The following GDAP1L1 variants were observed in gnomAD, a reference collection of about 807,000 sequenced individuals.
The protein encoded by GDAP1L1 is ganglioside-induced differentiation-associated protein 1-like 1.
GDAP1L1 carries 21 observed loss-of-function variants against 37.1 expected under a neutral mutation model. That is an observed-to-expected ratio of 0.57 (90% CI 0.40 to 0.81). The LOEUF (loss-of-function observed/expected upper bound fraction) is 0.81. Among genes scored for constraint, GDAP1L1 ranks in the 40% least tolerant of loss-of-function variants. The pLI is 0.00. For missense variants in GDAP1L1, 362 were observed against 491.6 expected, an observed-to-expected ratio of 0.74 and a Z score of 2.49; for synonymous variants, 193 against 209.1, an observed-to-expected ratio of 0.92 and a Z score of 0.67.
chr20:44,247,649 G>T (rs556720810), intron 1 of GDAP1L1, 135 bp downstream of exon 1: 5 of 804,672 alleles, frequency 6.2e-6, no homozygotes, highest in Non-Finnish European at 7.6e-6. Flanking sequence ...GAGGTCGGGG[G>T]ACGCAAGGGT....
chr20:44,249,222 G>C (rs756852231), intron 1 of GDAP1L1, among the ~76,000 whole-genome samples: 7 of 152,036 alleles, frequency 4.6e-5, no homozygotes, highest in Admixed American at 6.6e-5. Flanking sequence ...ATTTTTGGTA[G>C]AGACAGGGTT....
At chr20:44,271,658 G>A (rs2062517057) in intron 5 of GDAP1L1, among the ~76,000 whole-genome samples, 1 of 152,086 alleles carries the variant, frequency 6.6e-6, no homozygotes, top group African/African-American at 2.4e-5. Flanking sequence ...GAAGGATGTG[G>A]GGTGACAGGA....
chr20:44,252,376 G>T (rs1002287721), intron 1 of GDAP1L1, among the ~76,000 whole-genome samples: 4 of 152,046 alleles, frequency 2.6e-5, no homozygotes, highest in African/African-American at 7.2e-5. Flanking sequence ...GTGGTGGCTC[G>T]CGCCTGTAAT....
chr20:44,276,923 C>T (rs960199520), intron 5 of GDAP1L1, among the ~76,000 whole-genome samples: 1 of 152,216 alleles, frequency 6.6e-6, no homozygotes, highest in Non-Finnish European at 1.5e-5. Flanking sequence ...TCCTCCACCT[C>T]CTTTGCATCT....
Position 44,248,393 on chromosome 20 carries a change from G to A in GDAP1L1, c.180+879G>A, listed in dbSNP as rs77992249. Among the ~76,000 whole-genome samples the A allele has an allele frequency of 7.9e-4, 121 of 152,384 alleles. 2 individuals carry two copies. The East Asian group carries it at 0.021, about 26-fold the overall frequency. ...AGGCAGGTCCTGCAGGGGCCTAAGC[G>A]GCACCACTGCCTGACCTTCTGACTC... is the stretch of plus-strand genomic sequence containing the variant. On this transcript the variant is annotated intron_variant, in intron 1 of 5. Coordinates refer to ENST00000342560, the MANE Select transcript of GDAP1L1 (RefSeq NM_024034.6).
At chr20:44,262,479 G>A (rs776688067) in intron 3 of GDAP1L1, among the ~76,000 whole-genome samples, 6 of 151,828 alleles carry the variant, frequency 4.0e-5, no homozygotes, top group Non-Finnish European at 8.8e-5. Flanking sequence ...GTGAGGCAGG[G>A]AAGATGACCA....
intron 5 of GDAP1L1, among the ~76,000 whole-genome samples, chr20:44,274,657 C>T (rs927122763): frequency 6.6e-6 from 1 of 152,202 alleles, no homozygotes; most frequent in African/African-American, 2.4e-5. Flanking sequence ...TGAAAGGCGG[C>T]TCCTTCTTAT....
intron 5 of GDAP1L1, chr20:44,265,223 G>A (rs2073742344): frequency 1.0e-6 from 1 of 985,224 alleles, no homozygotes; most frequent in African/African-American, 1.7e-5. Context: ...CTCCCAGCTG[G>A]GCCTCTAAAC....
At chr20:44,252,134 A>G (rs2073456529) in intron 1 of GDAP1L1, among the ~76,000 whole-genome samples, 1 of 152,270 alleles carries the variant, frequency 6.6e-6, no homozygotes, top group South Asian at 2.1e-4. Flanking sequence ...CTGAAAATAA[A>G]CATGTAATTT....
chr20:44,252,366 G>A (rs1315586830), intron 1 of GDAP1L1, among the ~76,000 whole-genome samples: 3 of 152,206 alleles, frequency 2.0e-5, no homozygotes, highest in South Asian at 2.1e-4. Flanking sequence ...CAGGCTGGGC[G>A]TGGTGGCTCG....
chr20:44,255,725 T>C (rs978821996), intron 1 of GDAP1L1, among the ~76,000 whole-genome samples: 1 of 152,038 alleles, frequency 6.6e-6, no homozygotes. Context: ...GGTGGAGACA[T>C]TGATGCTCAA....
intron 2 of GDAP1L1, 114 bp downstream of exon 2, chr20:44,257,459 A>G: frequency 9.2e-7 from 1 of 1,085,968 alleles, no homozygotes; most frequent in Admixed American, 2.6e-5. Flanking sequence ...CACTGGAGCC[A>G]TGGGCAAGGC....
At chr20:44,270,459 C>T (rs372670435) in intron 5 of GDAP1L1, among the ~76,000 whole-genome samples, 3 of 152,148 alleles carry the variant, frequency 2.0e-5, no homozygotes, top group Non-Finnish European at 4.4e-5. Flanking sequence ...CGTGAGCCAC[C>T]GCGCCCGGCC....
chr20:44,247,773 C>T (rs2073360393), intron 1 of GDAP1L1, among the ~76,000 whole-genome samples: 1 of 114,754 alleles, frequency 8.7e-6, no homozygotes, highest in South Asian at 3.2e-4. Context: ...AACAGCCGGT[C>T]TGTTGGGGTG....
chr20:44,267,617 A>G (rs1208270480), intron 5 of GDAP1L1, among the ~76,000 whole-genome samples: 3 of 119,176 alleles, frequency 2.5e-5, no homozygotes, highest in Non-Finnish European at 5.3e-5. Flanking sequence ...TCTCAAAGAG[A>G]AAAAAAAAAA....
At chr20:44,277,538 A>C (rs1600571313) in intron 5 of GDAP1L1, among the ~76,000 whole-genome samples, 1 of 152,168 alleles carries the variant, frequency 6.6e-6, no homozygotes, top group South Asian at 2.1e-4. Context: ...AGGGCCTTAC[A>C]GGGCTTGGGA....
intron 1 of GDAP1L1, among the ~76,000 whole-genome samples, chr20:44,252,103 C>A (rs970835563): frequency 3.3e-5 from 5 of 152,356 alleles, no homozygotes; most frequent in Admixed American, 1.3e-4. Flanking sequence ...GAAGAAAATG[C>A]TAACTGTCAG....
chr20:44,270,067 G>A (rs866074900), intron 5 of GDAP1L1, among the ~76,000 whole-genome samples: 9 of 152,124 alleles, frequency 5.9e-5, no homozygotes, highest in Middle Eastern at 3.2e-3. Flanking sequence ...TGTTTTCATC[G>A]AGGAAGAGAG....
rs779259030 is a variant in GDAP1L1, at chr20:44,257,201, G to A, written c.229G>A (p.Val77Met). Residue 77 changes from valine (V) to methionine (M), a missense_variant, in exon 2 of 6, where the codon GTG becomes ATG. Around this residue, in one of 2 missense-constraint regions of GDAP1L1, gnomAD observed 277 missense variants for 337.1 expected, o/e 0.82. Transcript: ENST00000342560. Reference protein sequence around the residue: ...EKGLVCEERDVSLPQSEHKEP... With the variant: ...EKGLVCEERDMSLPQSEHKEP... The stretch of plus-strand genomic sequence containing the variant: ...GGGCCTGGTGTGCGAGGAGCGGGAC[G>A]TGAGCCTGCCACAGAGCGAGCACAA... 1.9e-6 allele frequency: 3 copies of A among 1,609,722 alleles called. No individual in the cohort carries two copies. Among genetic ancestry groups the A allele is most frequent in the Non-Finnish European group, 2.5e-6 (3 of 1,178,574 alleles).
Sources: gnomAD v4.1 joint callset for allele counts (sites outside exome capture counted in the v4.1 genomes callset) on GRCh38, gnomAD v4.1.1 for gene constraint, gnomAD v4.1.1 regional missense constraint, MANE v1.5 for transcripts, NCBI Gene and HGNC (gene_info 2026-07-23, HGNC 2026-07-21) for gene names.